The following PRKN variants were observed in gnomAD, a reference collection of about 807,000 sequenced individuals.
PRKN encodes parkin RBR E3 ubiquitin protein ligase.
Under a neutral mutation model 59.5 loss-of-function variants are expected in PRKN, and 56 were observed. The observed-to-expected ratio is 0.94, with a 90% confidence interval of 0.76 to 1.18. The LOEUF (loss-of-function observed/expected upper bound fraction) is 1.18. Ranked by LOEUF, PRKN falls within the 50% of genes most tolerant of loss-of-function variation. The probability of loss-of-function intolerance (pLI) is 0.00; values close to 1 mark genes in which losing one functional copy is unlikely to be tolerated. For missense variants in PRKN, 657 were observed against 596.4 expected, an observed-to-expected ratio of 1.10 and a Z score of -1.06; for synonymous variants, 250 against 222.1, an observed-to-expected ratio of 1.13 and a Z score of -1.12.
At chr6:162,347,212 G>C (rs1245282434) in intron 2 of PRKN, among the ~76,000 whole-genome samples, 1 of 147,088 alleles carries the variant, frequency 6.8e-6, no homozygotes, top group East Asian at 2.0e-4. Context: ...TCTTATGTTG[G>C]ATGCTTAGTT....
Position 161,461,552 on chromosome 6 carries a change from G to A in PRKN, c.1084-74675C>T, listed in dbSNP as rs116154141. Among the ~76,000 whole-genome samples, 1,590 of 152,190 alleles carry A rather than the reference G, an allele frequency of 0.01. 35 individuals carry two copies. The highest frequency in any genetic ancestry group is 0.036 in the African/African-American group (1,510 of 41,496). On this transcript the variant is annotated intron_variant, in intron 9 of 11. Coordinates refer to ENST00000366898, the MANE Select transcript of PRKN (RefSeq NM_004562.3). This position sits in a 1 kb window ranked among gnomAD's most constrained non-coding sequence, Gnocchi z 5.1. ...GGGACCCTGAGTTAATAGGAAAGAG[G>A]AGGTGGATGCAGGAATCACTGGCCT...
rs913878074 is a variant in PRKN at position 161,390,646 on chromosome 6, G to A, written c.1084-3769C>T. Among the ~76,000 whole-genome samples the A allele has an allele frequency of 2.0e-5, 3 of 151,880 alleles. No individual in the cohort carries two copies. Among genetic ancestry groups the A allele is most frequent in the African/African-American group, 7.3e-5 (3 of 41,322 alleles). ...TGGGACTACAGGCGCCTGCCACCAC[G>A]CCCGGCTAATTTTTGTATTTTTAGT... On this transcript the variant is annotated intron_variant, in intron 9 of 11. Transcript: ENST00000366898. This position sits in a 1 kb window ranked among gnomAD's most constrained non-coding sequence, Gnocchi z 7.0.
intron 9 of PRKN, among the ~76,000 whole-genome samples, chr6:161,476,053 G>A (rs556728952): frequency 1.3e-5 from 2 of 151,982 alleles, no homozygotes; most frequent in South Asian, 2.1e-4. Context: ...CGGGCGTGGT[G>A]GCGGGCGCCT....
intron 9 of PRKN, among the ~76,000 whole-genome samples, chr6:161,453,621 C>T (rs1479629562): frequency 4.6e-5 from 7 of 152,106 alleles, no homozygotes; most frequent in Admixed American, 6.5e-5. Context: ...CCTTCTGGCC[C>T]GCCCTGTAGG....
intron 1 of PRKN, among the ~76,000 whole-genome samples, chr6:162,690,350 G>T (rs1168594046): frequency 1.3e-5 from 2 of 152,162 alleles, no homozygotes; most frequent in African/African-American, 4.8e-5. Flanking sequence ...CAGCTAATGA[G>T]GCTGCTGTTC....
At chr6:161,651,884 T>C (rs1784161570) in intron 7 of PRKN, among the ~76,000 whole-genome samples, 1 of 152,182 alleles carries the variant, frequency 6.6e-6, no homozygotes, top group Non-Finnish European at 1.5e-5. Flanking sequence ...GTTCCTCCAT[T>C]ATATAATAGG....
At chr6:162,554,510 A>T (rs1278349884) in intron 1 of PRKN, among the ~76,000 whole-genome samples, 1 of 152,158 alleles carries the variant, frequency 6.6e-6, no homozygotes, top group Non-Finnish European at 1.5e-5. Context: ...CTCTAAATAA[A>T]TAAATAAAAA....
chr6:162,055,172 CAAAT>C (rs1435304829), intron 4 of PRKN, among the ~76,000 whole-genome samples: 2 of 151,990 alleles, frequency 1.3e-5, no homozygotes, highest in African/African-American at 4.8e-5. Flanking sequence ...AAAAAACAAA[CAAAT>C]AAAGAAACAA....
At chr6:161,746,645 T>G (rs904723518) in intron 7 of PRKN, among the ~76,000 whole-genome samples, 1 of 145,020 alleles carries the variant, frequency 6.9e-6, no homozygotes, top group East Asian at 2.0e-4. Flanking sequence ...TATATATGTA[T>G]ATATCTATAT....
At chr6:162,498,233 C>T (rs1793161710) in intron 1 of PRKN, among the ~76,000 whole-genome samples, 1 of 151,956 alleles carries the variant, frequency 6.6e-6, no homozygotes, top group Non-Finnish European at 1.5e-5. Context: ...GTACAAGTCT[C>T]CTGTACATCT....
At chr6:161,922,709 T>C (rs1018403759) in intron 6 of PRKN, among the ~76,000 whole-genome samples, 1 of 152,180 alleles carries the variant, frequency 6.6e-6, no homozygotes, top group Non-Finnish European at 1.5e-5. Flanking sequence ...CCATGTAACC[T>C]GTAATGAGAT....
At chr6:162,113,337 G>A (rs972758877) in intron 4 of PRKN, among the ~76,000 whole-genome samples, 2 of 152,166 alleles carry the variant, frequency 1.3e-5, no homozygotes, top group Non-Finnish European at 2.9e-5. Flanking sequence ...ATTCATTCAT[G>A]GCAGATTTTT....
intron 3 of PRKN, among the ~76,000 whole-genome samples, chr6:162,212,195 G>A (rs780234330): frequency 6.6e-6 from 1 of 152,024 alleles, no homozygotes; most frequent in African/African-American, 2.4e-5. Context: ...CTTGCTGTAA[G>A]TTCCCTTCAA....
At chr6:162,262,409 A>G in intron 3 of PRKN, 116 bp downstream of exon 3, 1 of 1,210,654 alleles carries the variant, frequency 8.3e-7, no homozygotes, top group Non-Finnish European at 1.2e-6. Flanking sequence ...TGAATTAGAG[A>G]CTCCAATCCA....
In PRKN at chr6:161,446,043, A is replaced by C. The variant is rs557593432; in HGVS notation, c.1084-59166T>G. On this transcript the variant is annotated intron_variant, in intron 9 of 11. Transcript: ENST00000366898. The surrounding 1 kb of genome is among the most constrained non-coding windows in gnomAD (Gnocchi z 6.2). ...ACATGGTGAAACCCTGTCTCTATAA[A>C]AAATATAAAACTTAGCTGGGTGTGG... Among the ~76,000 whole-genome samples, 1 of 152,148 alleles carries C rather than the reference A, an allele frequency of 6.6e-6. No individual in the cohort carries two copies. Among genetic ancestry groups the C allele is most frequent in the East Asian group, 1.9e-4 (1 of 5,154 alleles).
chr6:162,068,991 T>C (rs1389876068), intron 4 of PRKN, among the ~76,000 whole-genome samples: 1 of 152,148 alleles, frequency 6.6e-6, no homozygotes, highest in Non-Finnish European at 1.5e-5. Flanking sequence ...TATAAACACA[T>C]GTTTCAGTTT....
In PRKN at chr6:162,042,571, G is replaced by T. The variant is rs566393350; in HGVS notation, c.618+11520C>A. Among the ~76,000 whole-genome samples the T allele has an allele frequency of 4.6e-5, 7 of 152,148 alleles. 1 individual carries two copies. In the South Asian group the frequency reaches 1.2e-3, roughly 27 times the overall value. ...CCCAAAATGGTGGGGTTATAGGCATGGTCCACTGTGCCTGGCTGAACCATA... is the reference window on the plus strand; with the variant it reads ...CCCAAAATGGTGGGGTTATAGGCATTGTCCACTGTGCCTGGCTGAACCATA... On this transcript the variant is annotated intron_variant, in intron 5 of 11. Transcript: ENST00000366898.
At chr6:161,753,658 A>C (rs111234224) in intron 7 of PRKN, among the ~76,000 whole-genome samples, 1,560 of 152,222 alleles carry the variant, frequency 0.01, 21 homozygotes, top group South Asian at 0.034. Context: ...TAGAGTGCAG[A>C]TGACTCAAGA....
At position 161,417,715 on chromosome 6, in the gene PRKN, T is replaced by C. The variant is rs897915036; in HGVS notation, c.1084-30838A>G. On this transcript the variant is annotated intron_variant, in intron 9 of 11. Transcript: ENST00000366898. This position sits in a 1 kb window ranked among gnomAD's most constrained non-coding sequence, Gnocchi z 5.4. Reference sequence around the variant, plus strand: ...TAACTTTCACAACACATTGGAAATTTAGGCTGCCAATTAGTCATCCCTCCG... The same window carrying C: ...TAACTTTCACAACACATTGGAAATTCAGGCTGCCAATTAGTCATCCCTCCG... 1.3e-5 allele frequency among the ~76,000 whole-genome samples: 2 copies of C among 152,200 alleles called. No individual in the cohort carries two copies. The highest frequency in any genetic ancestry group is 4.8e-5 in the African/African-American group (2 of 41,430).
Sources: gnomAD v4.1 joint callset for allele counts (sites outside exome capture counted in the v4.1 genomes callset) on GRCh38, gnomAD v4.1.1 for gene constraint, Gnocchi (gnomAD v3.1) non-coding constraint, MANE v1.5 for transcripts, NCBI Gene and HGNC (gene_info 2026-07-23, HGNC 2026-07-21) for gene names.